PCDHGA4: variants seen among roughly 807,000 people sequenced by gnomAD.
PCDHGA4 encodes the protein protocadherin gamma subfamily A, 4, also known as protocadherin gamma-A4.
A neutral mutation model predicts 54.6 loss-of-function variants in PCDHGA4; 38 were observed. The ratio of observed to expected loss-of-function variants is 0.70; its 90% CI spans 0.54 to 0.91. The LOEUF (loss-of-function observed/expected upper bound fraction) is 0.91, where lower values mean the gene tolerates loss of function less well. PCDHGA4 is among the 40% of genes least tolerant of loss of function. The pLI is 0.00. For missense variants in PCDHGA4, 1,298 were observed against 1,220.9 expected (o/e 1.06, Z -0.94); for synonymous variants, 511 against 512.9 (o/e 1.00, Z 0.05).
chr5:141,470,035 G>A lies in PCDHGA4; in HGVS notation c.2515-24772G>A, dbSNP rs761812438. ...TCCCAGCTACTCGGGATGCTGAGGC[G>A]CGAGAACTGTTTGAACCCCGGAGGC... On this transcript the variant is annotated intron_variant, in intron 1 of 3. Transcript: ENST00000571252. Among the ~76,000 whole-genome samples, 97 of 152,224 alleles carry A rather than the reference G, an allele frequency of 6.4e-4. 2 individuals carry two copies. Among genetic ancestry groups the A allele is most frequent in the East Asian group, 1.2e-3 (6 of 5,170 alleles).
At chr5:141,362,573 T>G (rs754606560) in intron 1 of PCDHGA4, 21 of 1,605,662 alleles carry the variant, frequency 1.3e-5, no homozygotes, top group Non-Finnish European at 1.7e-5. Context: ...TTTAATTAAT[T>G]TATTTTCACT....
chr5:141,378,325 C>A (rs1344220335), intron 1 of PCDHGA4: 3 of 152,200 alleles, frequency 2.0e-5, no homozygotes, highest in African/African-American at 7.2e-5. Flanking sequence ...GAGTTCGAGA[C>A]CAGCCTGACC....
rs752147264 is a variant in PCDHGA4, at chr5:141,398,602, G to C, written c.2514+40981G>C. 8 of 1,613,936 alleles carry C rather than the reference G, an allele frequency of 5.0e-6. No individual in the cohort carries two copies. The East Asian group carries it at 1.6e-4, about 31-fold the overall frequency. On this transcript the variant is annotated intron_variant, in intron 1 of 3. Transcript: ENST00000571252. ...AAGATTTATACTAGAAGTAGCAGAA[G>C]ATGCAGATATTGGCTTAAACTCTCT...
intron 1 of PCDHGA4, chr5:141,392,593 C>T (rs986653235): frequency 1.0e-5 from 5 of 494,076 alleles, no homozygotes; most frequent in Admixed American, 7.6e-5. Flanking sequence ...CCGCTGTTCA[C>T]CTACTGGAAG....
intron 1 of PCDHGA4, among the ~76,000 whole-genome samples, chr5:141,442,702 T>A (rs1301940560): frequency 1.3e-5 from 2 of 152,342 alleles, no homozygotes; most frequent in African/African-American, 4.8e-5. Context: ...GACAAGAGTA[T>A]CAGACATGCC....
At chr5:141,374,716 C>A (rs752741869) in intron 1 of PCDHGA4, 3 of 1,609,798 alleles carry the variant, frequency 1.9e-6, no homozygotes, top group African/African-American at 1.3e-5. Context: ...ACCGCCTGGT[C>A]CTTACTGCCA....
intron 1 of PCDHGA4, chr5:141,423,755 G>A (rs1236551808): frequency 2.5e-5 from 13 of 512,416 alleles, no homozygotes; most frequent in Non-Finnish European, 3.4e-5. Context: ...CTGTTTGGGG[G>A]GGGGGTGGGG....
At chr5:141,392,973 C>A (rs1405082783) in intron 1 of PCDHGA4, 1 of 1,613,888 alleles carries the variant, frequency 6.2e-7, no homozygotes, top group South Asian at 1.1e-5. Flanking sequence ...GGACCTGGGG[C>A]TGGACCCCCG....
At chr5:141,415,683 G>C in intron 1 of PCDHGA4, 1 of 1,517,194 alleles carries the variant, frequency 6.6e-7, no homozygotes, top group African/African-American at 1.4e-5. Flanking sequence ...TTTGCGGCAT[G>C]ATGGTGGAAA....
intron 1 of PCDHGA4, chr5:141,442,016 C>CCA (rs1561906409): frequency 4.6e-6 from 1 of 219,336 alleles, no homozygotes; most frequent in African/African-American, 2.4e-5. Context: ...GCACGATGGG[C>CCA]CACAGGAAAG....
At chr5:141,502,781 C>G (rs1360359268) in intron 2 of PCDHGA4, among the ~76,000 whole-genome samples, 2 of 151,658 alleles carry the variant, frequency 1.3e-5, no homozygotes, top group Non-Finnish European at 2.9e-5. Flanking sequence ...TGAAAATTAC[C>G]TGGATGATTT....
intron 3 of PCDHGA4, among the ~76,000 whole-genome samples, chr5:141,509,596 G>A (rs538867815): frequency 1.3e-5 from 2 of 152,258 alleles, no homozygotes; most frequent in Admixed American, 6.5e-5. Context: ...TGGCAATTCC[G>A]AGAGGCTGCA....
Position 141,364,525 on chromosome 5 carries a change from C to A in PCDHGA4, c.2514+6904C>A, listed in dbSNP as rs763615712. 3 of 1,614,062 alleles carry A rather than the reference C, an allele frequency of 1.9e-6. No individual in the cohort carries two copies. In the East Asian group the frequency reaches 6.7e-5, roughly 36 times the overall value. ...AGGAGCTGGCGGAGCGCGGAGTCCG[C>A]ATCGTCTCCAGAGGTAGGACGCAGC... is the stretch of plus-strand genomic sequence containing the variant. On this transcript the variant is annotated intron_variant, in intron 1 of 3. Transcript: ENST00000571252.
At chr5:141,373,660 C>G (rs1045727807) in intron 1 of PCDHGA4, among the ~76,000 whole-genome samples, 15 of 152,296 alleles carry the variant, frequency 9.8e-5, no homozygotes, top group Admixed American at 3.3e-4. Context: ...GAGATATTTT[C>G]ATAAAAATGA....
chr5:141,421,924 G>A, intron 1 of PCDHGA4: 1 of 1,613,564 alleles, frequency 6.2e-7, no homozygotes, highest in South Asian at 1.1e-5. Context: ...TCGTGTGGTG[G>A]TCCTCGATGT....
At position 141,418,056 on chromosome 5, in the gene PCDHGA4, T is replaced by G. The variant is rs199996434; in HGVS notation, c.2514+60435T>G. ...GTCCTGGATGTGTCGGCTCGCGAGC[T>G]GCGAGTGAGCGCGGAGAAGCTGCAC... is the stretch of plus-strand genomic sequence containing the variant. On this transcript the variant is annotated intron_variant, in intron 1 of 3. Coordinates refer to ENST00000571252, the MANE Select transcript of PCDHGA4 (RefSeq NM_018917.4). 5.0e-5 allele frequency: 80 copies of G among 1,613,976 alleles called. No individual in the cohort carries two copies. The African/African-American group carries it at 7.5e-4, about 15-fold the overall frequency.
chr5:141,433,571 C>T lies in PCDHGA4; in HGVS notation c.2515-61236C>T, dbSNP rs2097625242. ...TCTTTTCTGGCTGGGCGCGGTGGCT[C>T]ACGCCTGTAATCCCAGTACTTTGGG... On this transcript the variant is annotated intron_variant, in intron 1 of 3. Coordinates refer to ENST00000571252, the MANE Select transcript of PCDHGA4 (RefSeq NM_018917.4). 3.9e-5 allele frequency among the ~76,000 whole-genome samples: 6 copies of T among 152,228 alleles called. No homozygotes were observed. The South Asian group carries it at 1.2e-3, about 32-fold the overall frequency.
At chr5:141,508,927 A>C (rs1562237319) in intron 3 of PCDHGA4, among the ~76,000 whole-genome samples, 1 of 151,542 alleles carries the variant, frequency 6.6e-6, no homozygotes. Context: ...TTCCTTTTGG[A>C]GTTAATTAGG....
intron 1 of PCDHGA4, chr5:141,366,795 T>A (rs1054610187): frequency 3.2e-6 from 5 of 1,567,382 alleles, no homozygotes; most frequent in Non-Finnish European, 4.3e-6. Flanking sequence ...CATTTTCATT[T>A]GTTTCCTTTT....
Sources: gnomAD v4.1 joint callset for allele counts (sites outside exome capture counted in the v4.1 genomes callset) on GRCh38, gnomAD v4.1.1 for gene constraint, MANE v1.5 for transcripts, NCBI Gene and HGNC (gene_info 2026-07-23, HGNC 2026-07-21) for gene names.